The following CACNA1C variants were observed in gnomAD, a reference collection of about 807,000 sequenced individuals.
CACNA1C encodes the protein voltage-dependent L-type calcium channel subunit alpha-1C.
Under a neutral mutation model 229.0 loss-of-function variants are expected in CACNA1C, and 30 were observed. The observed-to-expected ratio is 0.13, with a 90% CI of 0.10 to 0.18. CACNA1C has a LOEUF of 0.18. Ranked by LOEUF, CACNA1C falls within the 10% of genes least tolerant of loss-of-function variation. The pLI is 1.00. For missense variants in CACNA1C, 1,658 were observed against 2,845.0 expected, an observed-to-expected ratio of 0.58 and a Z score of 9.49; for synonymous variants, 1,114 against 1,132.5, an observed-to-expected ratio of 0.98 and a Z score of 0.33.
chr12:2,018,318 A>G (rs1418542121), intron 1 of CACNA1C: 2 of 152,238 alleles, frequency 1.3e-5, no homozygotes, highest in African/African-American at 4.8e-5. Flanking sequence ...ATAATTAGGA[A>G]GGAAGGAGTT....
In CACNA1C at chr12:2,212,714, C is replaced by T. The variant is rs376645798; in HGVS notation, c.477+92284C>T. Among the ~76,000 whole-genome samples, 82 of 152,174 alleles carry T rather than the reference C, an allele frequency of 5.4e-4. 1 individual carries two copies. The highest frequency in any genetic ancestry group is 1.8e-3 in the African/African-American group (76 of 41,484). On this transcript the variant is annotated intron_variant, in intron 3 of 46. Transcript: ENST00000399655. ...TTGCCCCTTCCCCACTTCCTCTTTC[C>T]TCTGTGTATTTATTGCACACTGACT... is the stretch of plus-strand genomic sequence containing the variant.
At chr12:2,137,621 G>T (rs968863863) in intron 3 of CACNA1C, among the ~76,000 whole-genome samples, 8 of 150,968 alleles carry the variant, frequency 5.3e-5, no homozygotes, top group African/African-American at 1.9e-4. Context: ...TAAACATAGA[G>T]GCATTATTGT....
rs1313275862 is a variant in CACNA1C at position 2,452,730 on chromosome 12, G to T, written c.617+3615G>T. On this transcript the variant is annotated intron_variant, in intron 4 of 46. Coordinates refer to ENST00000399655, the MANE Select transcript of CACNA1C (RefSeq NM_000719.7). ...TAAAGAGTCTCAACTTGAGGCAGGA[G>T]TTAAAGGCAAGTTGTCTAATCTCCA... Among the ~76,000 whole-genome samples the T allele has an allele frequency of 2.6e-5, 4 of 152,230 alleles. No individual in the cohort carries two copies. The East Asian group carries it at 7.7e-4, about 29-fold the overall frequency.
chr12:2,566,607 C>A lies in CACNA1C; in HGVS notation c.1669+25C>A. On this transcript the variant is annotated intron_variant, in intron 12 of 46. Transcript: ENST00000399655. This position sits in a 1 kb window ranked among gnomAD's most constrained non-coding sequence, Gnocchi z 4.0. ...GGTGAGCGGCGGCCCCAGCTCTGCT[C>A]TGGTTTCCTCCTGGTAACTCAGCCC... 1 of 1,571,430 alleles carries A rather than the reference C, an allele frequency of 6.4e-7. No individual in the cohort carries two copies. Among genetic ancestry groups the A allele is most frequent in the South Asian group, 1.2e-5 (1 of 84,848 alleles).
At chr12:2,249,638 A>T (rs1195456604) in intron 3 of CACNA1C, among the ~76,000 whole-genome samples, 3 of 152,076 alleles carry the variant, frequency 2.0e-5, no homozygotes, top group African/African-American at 2.4e-5. Flanking sequence ...AGAGGTGATG[A>T]TTGTTCCCTG....
intron 3 of CACNA1C, among the ~76,000 whole-genome samples, chr12:2,265,330 A>T (rs903294828): frequency 1.2e-4 from 19 of 152,048 alleles, no homozygotes; most frequent in Admixed American, 1.1e-3. Context: ...CATTTGTTCC[A>T]CTCCTGTTTC....
chr12:2,149,780 CA>C (rs1359181021), intron 3 of CACNA1C, among the ~76,000 whole-genome samples: 1 of 152,150 alleles, frequency 6.6e-6, no homozygotes, highest in Non-Finnish European at 1.5e-5. Flanking sequence ...GTGTAGGACC[CA>C]GGGGGGAGCA....
rs1427089693 is a variant in CACNA1C at position 2,491,633 on chromosome 12, AAGGAGGAGGAGGAGGAGGAAG to A, written c.917-1539_917-1519del. Among the ~76,000 whole-genome samples, 10 of 149,322 alleles carry A rather than the reference AAGGAGGAGGAGGAGGAGGAAG, an allele frequency of 6.7e-5. No individual in the cohort carries two copies. In the East Asian group the frequency reaches 1.0e-3, roughly 15 times the overall value. ...GGAGAGAAAGAGAGGAGAGGAGAAG[AAGGAGGAGGAGGAGGAGGAAG>A]AGGAGGAGGAGGAGGAGCTGCCACT... On this transcript the variant is annotated intron_variant, in intron 6 of 46. Transcript: ENST00000399655.
At chr12:2,680,867 AG>A (rs1569232651) in intron 42 of CACNA1C, among the ~76,000 whole-genome samples, 3 of 152,184 alleles carry the variant, frequency 2.0e-5, no homozygotes, top group Non-Finnish European at 4.4e-5. Context: ...TCAATTCATG[AG>A]GCCTGCACTG....
At chr12:2,086,996 G>A (rs1252433704) in intron 1 of CACNA1C, among the ~76,000 whole-genome samples, 3 of 152,178 alleles carry the variant, frequency 2.0e-5, no homozygotes, top group Non-Finnish European at 4.4e-5. Context: ...TCCCAGGGCT[G>A]CCTTCCAGAG....
intron 3 of CACNA1C, among the ~76,000 whole-genome samples, chr12:2,360,629 T>C (rs1314792717): frequency 6.6e-6 from 1 of 152,192 alleles, no homozygotes; most frequent in African/African-American, 2.4e-5. Flanking sequence ...TCAAGAGATG[T>C]ATCTGCCTTG....
chr12:2,323,535 A>C (rs1370510960), intron 3 of CACNA1C, among the ~76,000 whole-genome samples: 1 of 152,028 alleles, frequency 6.6e-6, no homozygotes, highest in Non-Finnish European at 1.5e-5. Flanking sequence ...AGCTGGCCCC[A>C]CCACACCTAC....
At chr12:2,341,238 G>T (rs572440453) in intron 3 of CACNA1C, among the ~76,000 whole-genome samples, 1 of 152,194 alleles carries the variant, frequency 6.6e-6, no homozygotes, top group Non-Finnish European at 1.5e-5. Flanking sequence ...ACTGGCAGGC[G>T]ATCTGCAGAA....
At chr12:2,527,940 A>G (rs1299823029) in intron 9 of CACNA1C, among the ~76,000 whole-genome samples, 1 of 152,220 alleles carries the variant, frequency 6.6e-6, no homozygotes, top group African/African-American at 2.4e-5. Context: ...TAAAAACTGC[A>G]GAGTTTCTTC....
intron 1 of CACNA1C, among the ~76,000 whole-genome samples, chr12:2,090,948 A>G (rs551947126): frequency 9.2e-5 from 14 of 152,260 alleles, no homozygotes; most frequent in Non-Finnish European, 1.9e-4. Context: ...GTGTGAAGTG[A>G]TAGCTCATGG....
At chr12:2,302,796 G>C (rs1160385254) in intron 3 of CACNA1C, among the ~76,000 whole-genome samples, 1 of 152,202 alleles carries the variant, frequency 6.6e-6, no homozygotes, top group Non-Finnish European at 1.5e-5. Flanking sequence ...ATTCCCTCAT[G>C]AGAAGAATGG....
intron 3 of CACNA1C, among the ~76,000 whole-genome samples, chr12:2,394,845 A>G (rs1209680412): frequency 6.6e-6 from 1 of 152,316 alleles, no homozygotes; most frequent in Middle Eastern, 3.4e-3. Flanking sequence ...TTGGTTTCCC[A>G]TCTCTAACTT....
chr12:2,053,411 G>T lies in CACNA1C; in HGVS notation c.-152G>T. 7.1e-7 allele frequency: 1 copy of T among 1,407,844 alleles called. No homozygotes were observed. The highest frequency in any genetic ancestry group is 1.7e-5 in the South Asian group (1 of 60,554). The allele number at this position is 1,407,844 out of a possible 1,614,324, so 87.2% of individuals were successfully genotyped here. On this transcript the variant is annotated 5_prime_UTR_variant, in exon 1 of 47. Transcript: ENST00000399655. This position sits in a 1 kb window ranked among gnomAD's most constrained non-coding sequence, Gnocchi z 5.8. ...TAATGGGAATCAGGTAATCGTCGGCGGGGAAGAAGAAACGCTGCAGACCAC... is the reference window on the plus strand; with the variant it reads ...TAATGGGAATCAGGTAATCGTCGGCTGGGAAGAAGAAACGCTGCAGACCAC...
At chr12:2,093,389 G>A (rs1271203481) in intron 1 of CACNA1C, among the ~76,000 whole-genome samples, 2 of 152,230 alleles carry the variant, frequency 1.3e-5, no homozygotes, top group African/African-American at 4.8e-5. Flanking sequence ...CCACATAGTG[G>A]AATGAGACAG....
Sources: allele counts gnomAD v4.1 joint callset (sites outside exome capture counted in the v4.1 genomes callset), GRCh38; gene constraint gnomAD v4.1.1; non-coding constraint Gnocchi (gnomAD v3.1); transcripts MANE v1.5; gene names NCBI Gene and HGNC (gene_info 2026-07-23, HGNC 2026-07-21).